The following RSF1 variants were observed in gnomAD, a reference collection of about 807,000 sequenced individuals.
RSF1 encodes HBV pX-associated protein 8.
RSF1 carries 13 observed loss-of-function variants against 145.2 expected under a neutral mutation model. The observed-to-expected ratio is 0.09, with a 90% CI of 0.06 to 0.14. The LOEUF is 0.14. Ranked by LOEUF, RSF1 falls within the 10% of genes least tolerant of loss-of-function variation. RSF1 has a pLI of 1.00. For synonymous variants in RSF1, 577 were observed against 592.6 expected, an observed-to-expected ratio of 0.97 and a Z score of 0.38; for missense variants, 1,517 against 1,718.2, an observed-to-expected ratio of 0.88 and a Z score of 2.07.
intron 9 of RSF1, among the ~76,000 whole-genome samples, chr11:77,687,895 TTCA>T (rs1960052514): frequency 6.6e-6 from 1 of 152,200 alleles, no homozygotes; most frequent in Non-Finnish European, 1.5e-5. Flanking sequence ...TCAAAATTTT[TTCA>T]TCAGGCTTTT....
intron 4 of RSF1, among the ~76,000 whole-genome samples, chr11:77,730,163 G>A (rs1011292425): frequency 6.6e-6 from 1 of 152,050 alleles, no homozygotes; most frequent in African/African-American, 2.4e-5. Flanking sequence ...TTTGCCTAAG[G>A]TAAGTTAGTA....
the RSF1 span, chr11:77,842,660 G>A: frequency 6.2e-7 from 1 of 1,604,566 alleles, no homozygotes; most frequent in East Asian, 2.2e-5. Context: ...GATACTACAT[G>A]AGGCTGACCA....
At chr11:77,828,598 G>A in the RSF1 span, among the ~76,000 whole-genome samples, 956 of 151,404 alleles carry the variant, frequency 6.3e-3, 10 homozygotes, top group Admixed American at 0.024. Context: ...GTGAACCCGG[G>A]AGGTGGAGCT....
chr11:77,823,369 AT>A (rs1949020222), upstream of RSF1, among the ~76,000 whole-genome samples: 3 of 152,072 alleles, frequency 2.0e-5, no homozygotes, highest in Non-Finnish European at 4.4e-5. Flanking sequence ...AAACTAAAAC[AT>A]TTTTATAGAA....
chr11:77,666,839 T>C lies in RSF1; in HGVS notation c.*78A>G. On this transcript the variant is annotated 3_prime_UTR_variant, in exon 16 of 16. Transcript: ENST00000308488. Reference sequence around the variant, plus strand: ...CTGTAGTGGAGTTTTCTAGGAAAAATTAAACAGCTTTTAATAACTGGCCCG... The same window carrying C: ...CTGTAGTGGAGTTTTCTAGGAAAAACTAAACAGCTTTTAATAACTGGCCCG... 2.4e-6 allele frequency: 3 copies of C among 1,256,366 alleles called. No individual in the cohort carries two copies. The highest frequency in any genetic ancestry group is 3.2e-6 in the Non-Finnish European group (3 of 924,510). The allele number at this position is 1,256,366 out of a possible 1,614,324, so 77.8% of individuals were successfully genotyped here.
At chr11:77,852,239 A>AAAAAAG in the RSF1 span, among the ~76,000 whole-genome samples, 3 of 133,828 alleles carry the variant, frequency 2.2e-5, no homozygotes, top group African/African-American at 5.7e-5. Flanking sequence ...AAAAAAAAAA[A>AAAAAAG]AAGAAGAAGA....
In RSF1 at chr11:77,667,452, G is replaced by C. The variant is rs757663693; in HGVS notation, c.3791C>G (p.Ala1264Gly). Residue 1264 changes from alanine to glycine, a missense_variant, in exon 16 of 16, where the codon GCT (alanine) becomes GGT (glycine). Ala to Gly is a moderately conservative substitution (Grantham distance 60). Coordinates refer to ENST00000308488, the MANE Select transcript of RSF1 (RefSeq NM_016578.4). ...LSKNSEDDEL[A>G]KESKRSVRKR... ...TCGAACTGACCGCTTTGATTCTTTA[G>C]CTAGCTCATCATCTTCAGAGTTCTT... 1.2e-6 allele frequency: 2 copies of C among 1,612,728 alleles called. No individual in the cohort carries two copies. Among genetic ancestry groups the C allele is most frequent in the South Asian group, 1.1e-5 (1 of 91,066 alleles).
At chr11:77,851,826 A>T in the RSF1 span, among the ~76,000 whole-genome samples, 1 of 152,044 alleles carries the variant, frequency 6.6e-6, no homozygotes, top group Non-Finnish European at 1.5e-5. Flanking sequence ...GAAGCAATTA[A>T]ACCTCTTTTG....
chr11:77,753,649 ACTC>A (rs1185698752), intron 2 of RSF1, among the ~76,000 whole-genome samples: 1 of 152,102 alleles, frequency 6.6e-6, no homozygotes, highest in Non-Finnish European at 1.5e-5. Context: ...CCCCAAGGTA[ACTC>A]CTCTTCTTCC....
In RSF1 at chr11:77,740,757, A is replaced by G. The variant is rs369493444; in HGVS notation, c.552T>C (p.Asp184=). 5 of 1,614,034 alleles carry G rather than the reference A, an allele frequency of 3.1e-6. No individual in the cohort carries two copies. Among genetic ancestry groups the G allele is most frequent in the Non-Finnish European group, 4.2e-6 (5 of 1,179,982 alleles). The change falls in exon 4 of 16, where the codon GAT becomes GAC. Residue 184 remains aspartate (D), a synonymous_variant. Transcript: ENST00000308488. The stretch of plus-strand genomic sequence containing the variant: ...TGACAATGCATTTCCATGAAGAGCC[A>G]TCTTGATCATCTTGTTCTTCTATGT... ...RMYIEEQDDQ[D]GSSWKCIVRN...
chr11:77,848,007 C>G, the RSF1 span, among the ~76,000 whole-genome samples: 5 of 152,226 alleles, frequency 3.3e-5, no homozygotes, highest in Non-Finnish European at 7.4e-5. Flanking sequence ...TTTTCAGGCC[C>G]TCAATGGATT....
intron 1 of RSF1, among the ~76,000 whole-genome samples, chr11:77,819,019 T>C (rs1948808965): frequency 6.6e-6 from 1 of 152,220 alleles, no homozygotes; most frequent in African/African-American, 2.4e-5. Flanking sequence ...AACTGCTGTA[T>C]TAATTTGAGT....
chr11:77,680,691 T>C (rs1380523503), intron 11 of RSF1, among the ~76,000 whole-genome samples: 2 of 152,242 alleles, frequency 1.3e-5, no homozygotes, highest in Admixed American at 1.3e-4. Flanking sequence ...ACTGGCTGCA[T>C]AGTATCTCAC....
intron 3 of RSF1, among the ~76,000 whole-genome samples, chr11:77,746,465 T>C (rs1948003314): frequency 1.3e-5 from 2 of 152,214 alleles, no homozygotes; most frequent in African/African-American, 2.4e-5. Flanking sequence ...ACATTATAAA[T>C]TTTAGAAGTA....
Position 77,675,194 on chromosome 11 carries a change from G to C in RSF1, c.3404C>G (p.Ser1135Cys), listed in dbSNP as rs1959668503. The C allele has an allele frequency of 6.2e-7, 1 of 1,614,124 alleles. No individual in the cohort carries two copies. The highest frequency in any genetic ancestry group is 1.3e-5 in the African/African-American group (1 of 75,036). ...AAAGTCAGTGTCACTGTCATCATTA[G>C]ATGGCGGATCTTCTTCACTTTCATC... ...NPDESEEDPP[S>C]NDDSDTDFCS... The change falls in exon 14 of 16, where the codon TCT (serine) becomes TGT (cysteine). Residue 1135 changes from serine (S) to cysteine (C), a missense_variant. Transcript: ENST00000308488.
chr11:77,794,469 G>C (rs1021137280), intron 1 of RSF1, among the ~76,000 whole-genome samples: 1 of 151,976 alleles, frequency 6.6e-6, no homozygotes, highest in Non-Finnish European at 1.5e-5. Flanking sequence ...GATTACTTGA[G>C]CCCAGGAGTT....
At chr11:77,714,385 T>C (rs759798621) in intron 5 of RSF1, among the ~76,000 whole-genome samples, 3 of 152,230 alleles carry the variant, frequency 2.0e-5, no homozygotes, top group Non-Finnish European at 2.9e-5. Context: ...CTTTCCAAAA[T>C]TCATGAATGA....
chr11:77,807,773 T>C (rs1324032574), intron 1 of RSF1, among the ~76,000 whole-genome samples: 1 of 152,184 alleles, frequency 6.6e-6, no homozygotes, highest in Non-Finnish European at 1.5e-5. Flanking sequence ...TGAGTATTTT[T>C]CAGAGGGATT....
chr11:77,772,893 T>C (rs1321591246), intron 1 of RSF1, among the ~76,000 whole-genome samples: 1 of 138,240 alleles, frequency 7.2e-6, no homozygotes, highest in Non-Finnish European at 1.5e-5. Flanking sequence ...AACGTAGACA[T>C]CTAGCCTTCC....
Sources: gnomAD v4.1 joint callset for allele counts (sites outside exome capture counted in the v4.1 genomes callset) on GRCh38, gnomAD v4.1.1 for gene constraint, MANE v1.5 for transcripts, NCBI Gene and HGNC (gene_info 2026-07-23, HGNC 2026-07-21) for gene names.